SART1: variants seen among roughly 807,000 people sequenced by gnomAD.
SART1 encodes the protein U4/U6.U5 tri-snRNP-associated protein 1.
Under a neutral mutation model 105.0 loss-of-function variants are expected in SART1, and 28 were observed. The observed-to-expected ratio is 0.27, with a 90% CI of 0.20 to 0.37. SART1 has a LOEUF of 0.37. SART1 is among the 10% of genes least tolerant of loss of function. The pLI is 1.00. For synonymous variants in SART1, 472 were observed against 462.9 expected, an observed-to-expected ratio of 1.02 and a Z score of -0.25; for missense variants, 894 against 1,106.5, an observed-to-expected ratio of 0.81 and a Z score of 2.72.
rs1462638661 is a variant in SART1, at chr11:65,961,791, C to T, written c.11C>T (p.Ser4Phe). 2 of 1,544,236 alleles carry T rather than the reference C, an allele frequency of 1.3e-6. No homozygotes were observed. The highest frequency in any genetic ancestry group is 1.4e-5 in the African/African-American group (1 of 69,182). ...AGTGGACGTGCCACTATGGGGTCGT[C>T]CAAGAAGCATCGCGGAGAGAAGGAG... is the stretch of plus-strand genomic sequence containing the variant. The part of the protein sequence containing the change: MGS[S>F]KKHRGEKEAA... Residue 4 changes from serine to phenylalanine, a missense_variant, in exon 1 of 20, where the codon TCC becomes TTC. Ser to Phe is a radical substitution (Grantham distance 155, BLOSUM62 -2). Coordinates refer to ENST00000312397, the MANE Select transcript of SART1 (RefSeq NM_005146.5).
In SART1 at chr11:65,965,521, C is replaced by G. The variant is rs1004482736; in HGVS notation, c.660+74C>G. ...TGACGGCACTGAGGCGGGGGCCAACCCCAGAGAGGTGAGACGGGGCTTGGA... is the reference window on the plus strand; with the variant it reads ...TGACGGCACTGAGGCGGGGGCCAACGCCAGAGAGGTGAGACGGGGCTTGGA... On this transcript the variant is annotated intron_variant, in intron 5 of 19. Coordinates refer to ENST00000312397, the MANE Select transcript of SART1 (RefSeq NM_005146.5). 1.7e-4 allele frequency: 245 copies of G among 1,453,902 alleles called. 1 individual carries two copies. The highest frequency in any genetic ancestry group is 2.2e-4 in the Non-Finnish European group (239 of 1,064,306). 90.1% of individuals were successfully genotyped at this position (1,453,902 alleles called of 1,614,324 possible). A position where few individuals can be genotyped will look rare whatever the true frequency, so the allele number is the denominator to read the frequency against.
intron 17 of SART1, 73 bp downstream of exon 17, chr11:65,977,972 C>A (rs539936191): frequency 1.3e-6 from 2 of 1,495,436 alleles, no homozygotes; most frequent in Non-Finnish European, 1.8e-6. Context: ...TGCAATGCCC[C>A]GGGCCATGCA....
In SART1 at chr11:65,978,017, T is replaced by C. The variant is rs1021076922; in HGVS notation, c.2172+118T>C. The C allele has an allele frequency of 1.4e-5, 16 of 1,161,896 alleles. 1 individual carries two copies. In the African/African-American group the frequency reaches 1.7e-4, roughly 12 times the overall value. The allele number at this position is 1,161,896 out of a possible 1,614,324, so 72.0% of individuals were successfully genotyped here. On this transcript the variant is annotated intron_variant, in intron 17 of 19. Transcript: ENST00000312397. The surrounding 1 kb of genome is among the most constrained non-coding windows in gnomAD (Gnocchi z 6.8). ...GGTCCTGGCTCCACCAGCCTCTGGCTGGGGGCCTGGTGAATGCCACGGATG... is the reference window on the plus strand; with the variant it reads ...GGTCCTGGCTCCACCAGCCTCTGGCCGGGGGCCTGGTGAATGCCACGGATG...
chr11:65,965,744 A>G lies in SART1; in HGVS notation c.703A>G (p.Thr235Ala). Residue 235 changes from threonine to alanine, a missense_variant, in exon 6 of 20, where the codon ACT (threonine) becomes GCT (alanine). Physicochemically the swap from Thr to Ala is moderately conservative, Grantham distance 58. This residue lies in a region of SART1 where 712 missense variants were observed against 778.2 expected (regional missense o/e 0.91). Coordinates refer to ENST00000312397, the MANE Select transcript of SART1 (RefSeq NM_005146.5). Reference sequence around the variant, plus strand: ...GATGGACCAAGAGTTTGGTGTCAGCACTCTGGTGGAGGAGGAGTTCGGGCA... The same window carrying G: ...GATGGACCAAGAGTTTGGTGTCAGCGCTCTGGTGGAGGAGGAGTTCGGGCA... ...EEMDQEFGVS[T>A]LVEEEFGQRR... The G allele has an allele frequency of 6.2e-7, 1 of 1,613,936 alleles. No individual in the cohort carries two copies. Among genetic ancestry groups the G allele is most frequent in the Non-Finnish European group, 8.5e-7 (1 of 1,179,984 alleles).
intron 6 of SART1, 36 bp downstream of exon 6, chr11:65,965,815 G>A: frequency 6.2e-7 from 1 of 1,613,624 alleles, no homozygotes. Context: ...GGGGACACTG[G>A]TGGCCTTGCT....
chr11:65,977,973 G>A (rs867831015), intron 17 of SART1, 74 bp downstream of exon 17: 58 of 1,503,262 alleles, frequency 3.9e-5, no homozygotes, highest in South Asian at 2.4e-4. Context: ...GCAATGCCCC[G>A]GGCCATGCAA....
chr11:65,977,696 A>G, intron 16 of SART1, 43 bp downstream of exon 16: 6 of 1,613,578 alleles, frequency 3.7e-6, no homozygotes, highest in Non-Finnish European at 5.1e-6. Flanking sequence ...GGCCTGTGCC[A>G]GCTTGGAGCT....
intron 2 of SART1, 28 bp from the exon 3 acceptor site, chr11:65,964,487 C>T: frequency 6.2e-7 from 1 of 1,613,030 alleles, no homozygotes; most frequent in Non-Finnish European, 8.5e-7. Flanking sequence ...CTTTAATAGC[C>T]CCTAACACTT....
At chr11:65,969,925 T>G (rs1035015505) in intron 12 of SART1, among the ~76,000 whole-genome samples, 1 of 152,132 alleles carries the variant, frequency 6.6e-6, no homozygotes, top group Non-Finnish European at 1.5e-5. Context: ...GGTTTCACCG[T>G]GTTGGTCAGG....
Position 65,965,088 on chromosome 11 carries a change from C to A in SART1, c.428-4C>A. The A allele has an allele frequency of 2.5e-6, 4 of 1,569,754 alleles. No individual in the cohort carries two copies. The highest frequency in any genetic ancestry group is 3.4e-6 in the Non-Finnish European group (4 of 1,162,584). On this transcript the variant is annotated splice_region_variant and splice_polypyrimidine_tract_variant and intron_variant, in intron 3 of 19. Transcript: ENST00000312397. ...ATAGCCTCACGTCTGGGCCCCCCTT[C>A]CAGAGGCGGGCACCAAGGAGGAGCC... is the stretch of plus-strand genomic sequence containing the variant.
At chr11:65,967,955 T>C (rs1320631741) in intron 12 of SART1, 134 bp downstream of exon 12, 2 of 804,080 alleles carry the variant, frequency 2.5e-6, no homozygotes, top group African/African-American at 1.8e-5. Flanking sequence ...GTTTGTTTTT[T>C]TTTTTTTTTT....
intron 12 of SART1, among the ~76,000 whole-genome samples, chr11:65,971,590 A>G (rs1188268478): frequency 5.7e-4 from 9 of 15,812 alleles, no homozygotes; most frequent in African/African-American, 8.4e-4. Flanking sequence ...GAAGAGGGGG[A>G]TGGTGGGATT....
chr11:65,976,280 TG>T lies in SART1; in HGVS notation c.1573-112del. The T allele has an allele frequency of 3.7e-6, 4 of 1,080,172 alleles. No individual in the cohort carries two copies. The highest frequency in any genetic ancestry group is 5.2e-6 in the Non-Finnish European group (4 of 776,678). The allele number at this position is 1,080,172 out of a possible 1,614,324, so 66.9% of individuals were successfully genotyped here. On this transcript the variant is annotated intron_variant, in intron 12 of 19. Coordinates refer to ENST00000312397, the MANE Select transcript of SART1 (RefSeq NM_005146.5). The surrounding 1 kb of genome is among the most constrained non-coding windows in gnomAD (Gnocchi z 5.1). Reference sequence around the variant, plus strand: ...GCGGCAGATAGCAGCTGGGCCTGCATGGGCTGTGGGCGTGGCCTGTCTGGCT... The same window carrying T: ...GCGGCAGATAGCAGCTGGGCCTGCATGGCTGTGGGCGTGGCCTGTCTGGCT...
chr11:65,975,652 C>T (rs535573892), intron 12 of SART1, among the ~76,000 whole-genome samples: 40 of 152,068 alleles, frequency 2.6e-4, no homozygotes, highest in Admixed American at 7.9e-4. Context: ...GCAGTCCACC[C>T]GCCTCAGAAG....
At chr11:65,973,493 C>T (rs941123472) in intron 12 of SART1, among the ~76,000 whole-genome samples, 2 of 152,186 alleles carry the variant, frequency 1.3e-5, no homozygotes, top group Admixed American at 1.3e-4. Flanking sequence ...CCAACAATTC[C>T]GCAGAAAGGT....
Position 65,978,155 on chromosome 11 carries a change from C to A in SART1, c.2172+256C>A. The A allele has an allele frequency of 1.8e-6, 1 of 553,268 alleles. No homozygotes were observed. Among genetic ancestry groups the A allele is most frequent in the Non-Finnish European group, 3.2e-6 (1 of 308,380 alleles). 34.3% of individuals were successfully genotyped at this position (553,268 alleles called of 1,614,324 possible). A position where few individuals can be genotyped will look rare whatever the true frequency, so the allele number is the denominator to read the frequency against. ...TCAGACAGGCACTCGGGACCTCTGCCCTCCTGTCCTCACCTGCGTGAGCCC... is the reference window on the plus strand; with the variant it reads ...TCAGACAGGCACTCGGGACCTCTGCACTCCTGTCCTCACCTGCGTGAGCCC... On this transcript the variant is annotated intron_variant, in intron 17 of 19. Transcript: ENST00000312397. The surrounding 1 kb of genome is among the most constrained non-coding windows in gnomAD (Gnocchi z 6.8).
Position 65,978,996 on chromosome 11 carries a change from CT to C in SART1, c.2385-15del. 2 of 1,614,160 alleles carry C rather than the reference CT, an allele frequency of 1.2e-6. No individual in the cohort carries two copies. Among genetic ancestry groups the C allele is most frequent in the Non-Finnish European group, 1.7e-6 (2 of 1,180,010 alleles). On this transcript the variant is annotated splice_polypyrimidine_tract_variant and intron_variant, in intron 19 of 19. Coordinates refer to ENST00000312397, the MANE Select transcript of SART1 (RefSeq NM_005146.5). The surrounding 1 kb of genome is among the most constrained non-coding windows in gnomAD (Gnocchi z 6.8). ...TGCCCGCCTCTGCAGCCTCACGCCC[CT>C]GTTCTTCTCTGCAGGAACACCATCA...
intron 9 of SART1, 115 bp from the exon 10 acceptor site, chr11:65,967,144 C>A (rs146054065): frequency 2.1e-6 from 3 of 1,442,436 alleles, no homozygotes; most frequent in Non-Finnish European, 2.8e-6. Context: ...GTGTGGGAAG[C>A]GCTCAGGACG....
chr11:65,965,777 C>G lies in SART1; in HGVS notation c.736C>G (p.Gln246Glu), dbSNP rs940599945. The change falls in exon 6 of 20, where the codon CAG becomes GAG. Residue 246 changes from glutamine (Q) to glutamate (E), a missense_variant and splice_region_variant. Around this residue, in one of 2 missense-constraint regions of SART1, gnomAD observed 712 missense variants for 778.2 expected, o/e 0.91. Transcript: ENST00000312397. ...GGAGGAGGAGTTCGGGCAGAGGCGG[C>G]AGGTGAGGCTGCAGCAGGGGTGGTA... is the stretch of plus-strand genomic sequence containing the variant. ...LVEEEFGQRRQDLYSARDLQG... is the reference protein window; with the variant it reads ...LVEEEFGQRREDLYSARDLQG... 6.2e-7 allele frequency: 1 copy of G among 1,613,914 alleles called. No homozygotes were observed. The highest frequency in any genetic ancestry group is 8.5e-7 in the Non-Finnish European group (1 of 1,179,960).
Sources: gnomAD v4.1 joint callset for allele counts (sites outside exome capture counted in the v4.1 genomes callset) on GRCh38, gnomAD v4.1.1 for gene constraint, gnomAD v4.1.1 regional missense constraint, Gnocchi (gnomAD v3.1) non-coding constraint, MANE v1.5 for transcripts, NCBI Gene and HGNC (gene_info 2026-07-23, HGNC 2026-07-21) for gene names.